Variants in THSD7A observed in about 807,000 individuals in gnomAD.
The protein encoded by THSD7A is thrombospondin type 1 domain containing 7A, also known as thrombospondin type-1 domain-containing protein 7A.
THSD7A carries 96 observed loss-of-function variants against 231.3 expected under a neutral mutation model. That is an observed-to-expected ratio of 0.41 (90% CI 0.35 to 0.49). The LOEUF (loss-of-function observed/expected upper bound fraction) is 0.49, where lower values mean the gene tolerates loss of function less well. Among genes scored for constraint, THSD7A ranks in the 20% least tolerant of loss-of-function variants. The pLI, the probability that THSD7A is intolerant of heterozygous loss-of-function variation, is 0.05. For synonymous variants in THSD7A, 940 were observed against 743.3 expected, an observed-to-expected ratio of 1.26 and a Z score of -4.30; for missense variants, 2,290 against 2,070.2, an observed-to-expected ratio of 1.11 and a Z score of -2.06.
chr7:11,743,005 A>C (rs149651036), intron 1 of THSD7A, among the ~76,000 whole-genome samples: 1,610 of 152,008 alleles, frequency 0.011, 19 homozygotes, highest in Middle Eastern at 0.02. Context: ...CCCTTATTGA[A>C]GAAATCTGCT....
At position 11,487,264 on chromosome 7, in the gene THSD7A, A is replaced by T. The variant is rs139848425; in HGVS notation, c.1823-5282T>A. On this transcript the variant is annotated intron_variant, in intron 6 of 27. Coordinates refer to ENST00000423059, the MANE Select transcript of THSD7A (RefSeq NM_015204.3). ...AGAGACTAAAACATCTGCTCAAGAT[A>T]ATTACTATAAAAATTCATGAAGACT... Among the ~76,000 whole-genome samples the T allele has an allele frequency of 3.9e-4, 60 of 152,260 alleles. No homozygotes were observed. The East Asian group carries it at 0.011, about 29-fold the overall frequency.
At chr7:11,706,297 A>C (rs184720066) in intron 1 of THSD7A, among the ~76,000 whole-genome samples, 47 of 151,072 alleles carry the variant, frequency 3.1e-4, no homozygotes, top group Middle Eastern at 3.4e-3. Flanking sequence ...GTGAGTGCAC[A>C]CTACACATTT....
intron 2 of THSD7A, among the ~76,000 whole-genome samples, chr7:11,628,466 C>G (rs185191567): frequency 2.3e-4 from 35 of 152,318 alleles, no homozygotes; most frequent in Admixed American, 2.2e-3. Context: ...TTAACGCTAG[C>G]AGCATTTTCT....
chr7:11,555,050 T>C (rs543750866), intron 4 of THSD7A, among the ~76,000 whole-genome samples: 17 of 152,092 alleles, frequency 1.1e-4, no homozygotes, highest in Non-Finnish European at 2.4e-4. Context: ...ACCAGCTGTT[T>C]GTTTTATTGG....
intron 1 of THSD7A, among the ~76,000 whole-genome samples, chr7:11,707,969 C>T (rs1191575233): frequency 6.6e-6 from 1 of 150,718 alleles, no homozygotes; most frequent in Non-Finnish European, 1.5e-5. Context: ...ACAAAATATG[C>T]CAATGAGTCA....
At chr7:11,580,789 T>G (rs1189580589) in intron 4 of THSD7A, among the ~76,000 whole-genome samples, 1 of 152,080 alleles carries the variant, frequency 6.6e-6, no homozygotes, top group Non-Finnish European at 1.5e-5. Flanking sequence ...TAATGGATAC[T>G]AGGCTTAATA....
chr7:11,582,735 T>C (rs918573653), intron 4 of THSD7A, among the ~76,000 whole-genome samples: 1 of 152,188 alleles, frequency 6.6e-6, no homozygotes, highest in Non-Finnish European at 1.5e-5. Flanking sequence ...TAGTGTTGTT[T>C]TGCTTTTCTG....
chr7:11,494,709 G>A (rs572134308), intron 6 of THSD7A, among the ~76,000 whole-genome samples: 88 of 152,020 alleles, frequency 5.8e-4, no homozygotes, highest in Non-Finnish European at 4.4e-5. Context: ...TAGTGACAAA[G>A]GCAGGATTTC....
In THSD7A at chr7:11,447,361, C is replaced by T. The variant is rs552411342; in HGVS notation, c.2669G>A (p.Gly890Asp). ...GGCCTGGGTAAGGGCTGGCACAGGG[C>T]CTGCATACTGTAGGCACTCATGGAT... is the stretch of plus-strand genomic sequence containing the variant. ...AGIHECLQYA[G>D]PVPALTQACQ... is the part of the protein sequence containing the mutation. Residue 890 changes from glycine (G) to aspartate (D), a missense_variant, in exon 12 of 28, where the codon GGC (glycine) becomes GAC (aspartate). Gly to Asp is a moderately conservative substitution (Grantham distance 94, BLOSUM62 -1). Transcript: ENST00000423059. 4 of 1,611,716 alleles carry T rather than the reference C, an allele frequency of 2.5e-6. No individual in the cohort carries two copies. Among genetic ancestry groups the T allele is most frequent in the Non-Finnish European group, 3.4e-6 (4 of 1,178,904 alleles).
At chr7:11,649,852 C>A (rs575535596) in intron 1 of THSD7A, among the ~76,000 whole-genome samples, 1 of 152,060 alleles carries the variant, frequency 6.6e-6, no homozygotes, top group African/African-American at 2.4e-5. Flanking sequence ...ATACTTGCCA[C>A]TTTCTAGTCA....
chr7:11,758,428 G>C (rs902937506), intron 1 of THSD7A, among the ~76,000 whole-genome samples: 1 of 152,084 alleles, frequency 6.6e-6, no homozygotes, highest in African/African-American at 2.4e-5. Context: ...CATGAATGCA[G>C]TGAGAAAAGT....
rs185945477 is a variant in THSD7A at position 11,423,507 on chromosome 7, T to C, written c.3383+1189A>G. Among the ~76,000 whole-genome samples the C allele has an allele frequency of 6.4e-4, 98 of 152,044 alleles. 1 individual carries two copies. In the East Asian group the frequency reaches 0.018, roughly 27 times the overall value. On this transcript the variant is annotated intron_variant, in intron 16 of 27. Coordinates refer to ENST00000423059, the MANE Select transcript of THSD7A (RefSeq NM_015204.3). Reference sequence around the variant, plus strand: ...CCTCAGCCTCCCGAGTAGCTGGGACTACAGGTGCCCGCCGCCACGCCCAGC... The same window carrying C: ...CCTCAGCCTCCCGAGTAGCTGGGACCACAGGTGCCCGCCGCCACGCCCAGC...
chr7:11,379,857 G>T, intron 24 of THSD7A, 145 bp from the exon 25 acceptor site: 2 of 896,038 alleles, frequency 2.2e-6, no homozygotes, highest in Non-Finnish European at 3.5e-6. Context: ...GAAATATTTG[G>T]TTAACCTTGA....
chr7:11,750,505 A>G (rs1782463512), intron 1 of THSD7A, among the ~76,000 whole-genome samples: 1 of 152,010 alleles, frequency 6.6e-6, no homozygotes, highest in South Asian at 2.1e-4. Context: ...GAAAGCTCAT[A>G]TTCTGACCAA....
intron 17 of THSD7A, among the ~76,000 whole-genome samples, chr7:11,413,087 A>T (rs1442796743): frequency 6.6e-6 from 1 of 151,580 alleles, no homozygotes; most frequent in East Asian, 1.9e-4. Context: ...TTATTATGCT[A>T]TTATATATAT....
chr7:11,654,221 C>G (rs1782621618), intron 1 of THSD7A, among the ~76,000 whole-genome samples: 1 of 151,782 alleles, frequency 6.6e-6, no homozygotes, highest in African/African-American at 2.4e-5. Flanking sequence ...GTTTTTCACA[C>G]AACAATTTTA....
At chr7:11,802,466 C>A (rs1326028087) in intron 1 of THSD7A, among the ~76,000 whole-genome samples, 1 of 151,958 alleles carries the variant, frequency 6.6e-6, no homozygotes, top group East Asian at 1.9e-4. Context: ...TGTAGGGAAG[C>A]CAAGGAGGGA....
At chr7:11,419,219 G>T (rs1464098615) in intron 16 of THSD7A, among the ~76,000 whole-genome samples, 1 of 152,032 alleles carries the variant, frequency 6.6e-6, no homozygotes. Context: ...ATATGATTTG[G>T]CTGTGTGTCC....
chr7:11,493,311 G>A (rs1455140935), intron 6 of THSD7A, among the ~76,000 whole-genome samples: 1 of 151,960 alleles, frequency 6.6e-6, no homozygotes, highest in Non-Finnish European at 1.5e-5. Flanking sequence ...ATGGAACTCT[G>A]GAACCAGTCA....
Sources: allele counts gnomAD v4.1 joint callset (sites outside exome capture counted in the v4.1 genomes callset), GRCh38; gene constraint gnomAD v4.1.1; transcripts MANE v1.5; gene names NCBI Gene and HGNC (gene_info 2026-07-23, HGNC 2026-07-21).